Variants in ASB7 observed in about 807,000 individuals in gnomAD.
ASB7 encodes the protein ankyrin repeat and SOCS box containing 7.
In ASB7, 4 loss-of-function variants were observed where a neutral mutation model predicts 32.5. The observed-to-expected ratio is 0.12, with a 90% confidence interval of 0.06 to 0.28. ASB7 has a LOEUF of 0.28. ASB7 is among the 10% of genes least tolerant of loss of function. The pLI, the probability that ASB7 is intolerant of heterozygous loss-of-function variation, is 1.00. For synonymous variants in ASB7, 172 were observed against 155.6 expected (o/e 1.11, Z -0.78); for missense variants, 181 against 407.1 (o/e 0.44, Z 4.78).
At chr15:100,616,372 T>C (rs2039742953) in intron 4 of ASB7, among the ~76,000 whole-genome samples, 1 of 152,190 alleles carries the variant, frequency 6.6e-6, no homozygotes, top group Non-Finnish European at 1.5e-5. Context: ...TGAATTATGG[T>C]TTTCTTTAGC....
chr15:100,604,730 G>C (rs2039625801), intron 2 of ASB7, among the ~76,000 whole-genome samples: 1 of 152,140 alleles, frequency 6.6e-6, no homozygotes. Context: ...GGCAGCTTTT[G>C]TATGTATATG....
Position 100,648,537 on chromosome 15 carries a change from A to G in ASB7, c.*75A>G. On this transcript the variant is annotated 3_prime_UTR_variant, in exon 6 of 6. Coordinates refer to ENST00000332783, the MANE Select transcript of ASB7 (RefSeq NM_198243.3). ...AGGCTTTTTGCCTTGCACAAAGTAT[A>G]TCCTATGCAATTTCTGATTTGCTGT... The G allele has an allele frequency of 8.3e-7, 1 of 1,204,894 alleles. No homozygotes were observed. The highest frequency in any genetic ancestry group is 1.1e-6 in the Non-Finnish European group (1 of 883,430). The allele number at this position is 1,204,894 out of a possible 1,614,324, so 74.6% of individuals were successfully genotyped here.
chr15:100,636,998 G>A lies in ASB7; in HGVS notation c.817+6956G>A, dbSNP rs188485388. Among the ~76,000 whole-genome samples the A allele has an allele frequency of 5.9e-5, 9 of 152,296 alleles. No homozygotes were observed. The South Asian group carries it at 6.2e-4, about 11-fold the overall frequency. On this transcript the variant is annotated intron_variant, in intron 5 of 5. Transcript: ENST00000332783. The stretch of plus-strand genomic sequence containing the variant: ...CAGCCGGTACTGGTCGTTGTTCCCC[G>A]CCAGACACTCTCAGGAAAAGACATT...
At chr15:100,633,237 A>G (rs990421712) in intron 5 of ASB7, among the ~76,000 whole-genome samples, 10 of 152,016 alleles carry the variant, frequency 6.6e-5, no homozygotes, top group Middle Eastern at 3.4e-3. Flanking sequence ...AATGGAATGA[A>G]TAAATTAAAG....
chr15:100,646,900 G>A (rs1020038312), intron 5 of ASB7, among the ~76,000 whole-genome samples: 2 of 152,180 alleles, frequency 1.3e-5, no homozygotes, highest in Admixed American at 6.5e-5. Flanking sequence ...TTCCAGAGAC[G>A]AGGTGGTGTG....
At chr15:100,621,917 ATT>A (rs2039796144) in intron 4 of ASB7, among the ~76,000 whole-genome samples, 1 of 151,946 alleles carries the variant, frequency 6.6e-6, no homozygotes, top group African/African-American at 2.4e-5. Context: ...TGGAAGAGAG[ATT>A]CTCTGTAGTA....
chr15:100,636,274 CTT>C lies in ASB7; in HGVS notation c.817+6234_817+6235del, dbSNP rs1205993808. On this transcript the variant is annotated intron_variant, in intron 5 of 5. Transcript: ENST00000332783. ...TGATGGATCCATGAAAAGTCATTGA[CTT>C]TGAGTTTGTTCAGGTTTTTTGTCTT... Among the ~76,000 whole-genome samples, 5 of 152,266 alleles carry C rather than the reference CTT, an allele frequency of 3.3e-5. No homozygotes were observed. The East Asian group carries it at 7.7e-4, about 23-fold the overall frequency.
At chr15:100,646,496 C>A in intron 5 of ASB7, 3 of 469,396 alleles carry the variant, frequency 6.4e-6, no homozygotes, top group South Asian at 4.8e-5. Context: ...ATAAGGAAAT[C>A]AAACTCCACA....
chr15:100,618,622 G>GGTGTGT (rs57805541), intron 4 of ASB7, among the ~76,000 whole-genome samples: 2,976 of 150,272 alleles, frequency 0.02, 48 homozygotes, highest in Non-Finnish European at 0.028. Context: ...CTGTGTGTGT[G>GGTGTGT]GTGTGTGTGT....
chr15:100,630,642 A>G (rs2039876489), intron 5 of ASB7, among the ~76,000 whole-genome samples: 2 of 152,192 alleles, frequency 1.3e-5, no homozygotes, highest in African/African-American at 4.8e-5. Flanking sequence ...CCTGGACCAC[A>G]TGGCTTCCAT....
In ASB7 at chr15:100,619,413, G is replaced by A. The variant is rs573019201; in HGVS notation, c.211+6986G>A. Among the ~76,000 whole-genome samples the A allele has an allele frequency of 3.3e-4, 50 of 152,344 alleles. 1 individual carries two copies. Among genetic ancestry groups the A allele is most frequent in the African/African-American group, 1.1e-3 (45 of 41,578 alleles). ...AGTAAATTAGCTAGTTATAGTATGT[G>A]AACATATCAGAAGGGCGTAAGCCCT... On this transcript the variant is annotated intron_variant, in intron 4 of 5. Coordinates refer to ENST00000332783, the MANE Select transcript of ASB7 (RefSeq NM_198243.3).
chr15:100,612,063 G>A (rs1294405328), intron 3 of ASB7, 103 bp from the exon 4 acceptor site: 6 of 699,932 alleles, frequency 8.6e-6, no homozygotes, highest in Non-Finnish European at 1.5e-5. Context: ...TCATTAGTAA[G>A]GTTTACTGAT....
chr15:100,621,862 G>GGA (rs1555438566), intron 4 of ASB7, among the ~76,000 whole-genome samples: 21 of 121,596 alleles, frequency 1.7e-4, no homozygotes, highest in East Asian at 7.7e-4. Context: ...CTAGAATGGT[G>GGA]AAAAAAAGAA....
intron 4 of ASB7, among the ~76,000 whole-genome samples, chr15:100,620,760 A>G (rs1438356015): frequency 6.6e-6 from 1 of 152,242 alleles, no homozygotes. Flanking sequence ...GAGTCTTCTA[A>G]AAACTCCAAG....
intron 2 of ASB7, among the ~76,000 whole-genome samples, chr15:100,607,460 A>G (rs1231721628): frequency 3.9e-5 from 6 of 152,204 alleles, no homozygotes; most frequent in African/African-American, 1.4e-4. Context: ...GTCTTTTGTA[A>G]TAAATTATTT....
At chr15:100,635,867 T>C (rs1170618933) in intron 5 of ASB7, among the ~76,000 whole-genome samples, 3 of 152,228 alleles carry the variant, frequency 2.0e-5, no homozygotes, top group Non-Finnish European at 4.4e-5. Context: ...GACAAGGTTC[T>C]GAGAAAGTCT....
rs555557032 is a variant in ASB7, at chr15:100,630,606, GC to G, written c.817+565del. Reference sequence around the variant, plus strand: ...TAGAAATTGTTGTAAGAAAATATTTGCAGTGGGAAGTTTGGCACCACTGTCC... The same window carrying G: ...TAGAAATTGTTGTAAGAAAATATTTGAGTGGGAAGTTTGGCACCACTGTCC... On this transcript the variant is annotated intron_variant, in intron 5 of 5. Coordinates refer to ENST00000332783, the MANE Select transcript of ASB7 (RefSeq NM_198243.3). Among the ~76,000 whole-genome samples the G allele has an allele frequency of 1.9e-3, 282 of 152,284 alleles. 1 individual carries two copies. The highest frequency in any genetic ancestry group is 2.9e-3 in the Non-Finnish European group (199 of 68,020).
At chr15:100,634,331 A>G (rs2039906550) in intron 5 of ASB7, among the ~76,000 whole-genome samples, 1 of 152,248 alleles carries the variant, frequency 6.6e-6, no homozygotes, top group Admixed American at 6.5e-5. Flanking sequence ...GTACACACAT[A>G]TAAAAGTGAG....
chr15:100,640,310 A>G (rs1244396419), intron 5 of ASB7, among the ~76,000 whole-genome samples: 2 of 151,954 alleles, frequency 1.3e-5, no homozygotes, highest in African/African-American at 4.8e-5. Flanking sequence ...ATACCCAGCT[A>G]ATTTTTGTAT....
Sources: gnomAD v4.1 joint callset for allele counts (sites outside exome capture counted in the v4.1 genomes callset) on GRCh38, gnomAD v4.1.1 for gene constraint, MANE v1.5 for transcripts, NCBI Gene and HGNC (gene_info 2026-07-23, HGNC 2026-07-21) for gene names.